Variants in SRGAP3 observed in about 807,000 individuals in gnomAD.
The protein encoded by SRGAP3 is SLIT-ROBO Rho GTPase activating protein 3.
In SRGAP3, 39 loss-of-function variants were observed where a neutral mutation model predicts 121.1. That is an observed-to-expected ratio of 0.32 (90% CI 0.25 to 0.42). The LOEUF is 0.42. Among genes scored for constraint, SRGAP3 ranks in the 10% least tolerant of loss-of-function variants. The pLI is 1.00. For missense variants in SRGAP3, 1,213 were observed against 1,470.6 expected (o/e 0.82, Z 2.86); for synonymous variants, 601 against 570.0 (o/e 1.05, Z -0.77).
Position 9,258,229 on chromosome 3 carries a change from C to T in SRGAP3, n.442+67781G>A, listed in dbSNP as rs185866685. Among the ~76,000 whole-genome samples, 167 of 152,102 alleles carry T rather than the reference C, an allele frequency of 1.1e-3. 1 individual carries two copies. The highest frequency in any genetic ancestry group is 3.1e-3 in the African/African-American group (130 of 41,500). On this transcript the variant is annotated intron_variant and non_coding_transcript_variant, in intron 3 of 3. Transcript: ENST00000490889. Reference sequence around the variant, plus strand: ...AAACACAGAAGCGGTTTCTTGGAGGCGAAAATTTCTAAGCTGAGCTTAGAA... The same window carrying T: ...AAACACAGAAGCGGTTTCTTGGAGGTGAAAATTTCTAAGCTGAGCTTAGAA...
At chr3:9,207,545 T>G (rs1351777452) in intron 1 of SRGAP3, among the ~76,000 whole-genome samples, 5 of 152,070 alleles carry the variant, frequency 3.3e-5, no homozygotes, top group Admixed American at 1.3e-4. Flanking sequence ...GGAAGTGTAT[T>G]AGGATGTGCT....
intron 1 of SRGAP3, chr3:9,348,857 A>G: frequency 7.7e-7 from 1 of 1,302,230 alleles, no homozygotes; most frequent in Non-Finnish European, 1.1e-6. Context: ...TAAGGATCGC[A>G]GGTTTGCAAA....
intron 3 of SRGAP3, among the ~76,000 whole-genome samples, chr3:9,319,333 G>A (rs763766444): frequency 3.3e-5 from 5 of 151,886 alleles, no homozygotes; most frequent in African/African-American, 4.8e-5. Context: ...AGTGCAGAAG[G>A]TATGACCCAG....
chr3:9,116,967 G>A (rs954290492), intron 2 of SRGAP3, among the ~76,000 whole-genome samples: 3 of 152,346 alleles, frequency 2.0e-5, no homozygotes, highest in Non-Finnish European at 4.4e-5. Context: ...GGTCCACGGT[G>A]ATGTGGATGT....
intron 1 of SRGAP3, among the ~76,000 whole-genome samples, chr3:9,353,932 C>T (rs1314572179): frequency 6.6e-6 from 1 of 151,988 alleles, no homozygotes; most frequent in African/African-American, 2.4e-5. Flanking sequence ...TTGGGGAGTA[C>T]AAGGAAGGGA....
chr3:9,144,333 G>C (rs2125040396), intron 1 of SRGAP3, among the ~76,000 whole-genome samples: 1 of 152,290 alleles, frequency 6.6e-6, no homozygotes, highest in East Asian at 1.9e-4. Context: ...CAGTCCCCTA[G>C]CCTTCTCTCT....
At chr3:9,146,166 A>G (rs971604082) in intron 1 of SRGAP3, among the ~76,000 whole-genome samples, 8 of 152,354 alleles carry the variant, frequency 5.3e-5, no homozygotes, top group Admixed American at 3.9e-4. Flanking sequence ...AGACTTATCA[A>G]TCGAGCTCCT....
intron 1 of SRGAP3, among the ~76,000 whole-genome samples, chr3:9,346,103 C>T (rs1391768032): frequency 1.3e-5 from 2 of 152,138 alleles, no homozygotes; most frequent in Non-Finnish European, 2.9e-5. Flanking sequence ...GAAAACTTTG[C>T]TCTTCACAGA....
intron 1 of SRGAP3, among the ~76,000 whole-genome samples, chr3:9,172,339 G>C (rs1951014323): frequency 6.6e-6 from 1 of 152,088 alleles, no homozygotes; most frequent in African/African-American, 2.4e-5. Flanking sequence ...CTGGACTCAA[G>C]TGATCTACCC....
At chr3:9,203,883 A>G (rs1952164922) in intron 1 of SRGAP3, among the ~76,000 whole-genome samples, 2 of 152,348 alleles carry the variant, frequency 1.3e-5, no homozygotes, top group South Asian at 2.1e-4. Flanking sequence ...CTTGTAGAGT[A>G]GGCAGGGCAG....
intron 1 of SRGAP3, among the ~76,000 whole-genome samples, chr3:9,228,305 C>G (rs79051050): frequency 1.6e-3 from 244 of 152,296 alleles, no homozygotes; most frequent in African/African-American, 5.7e-3. Flanking sequence ...GCCGCCAGAT[C>G]ATGCAATTTG....
intron 1 of SRGAP3, among the ~76,000 whole-genome samples, chr3:9,333,158 C>T (rs1453575372): frequency 6.6e-6 from 1 of 152,082 alleles, no homozygotes; most frequent in African/African-American, 2.4e-5. Context: ...TTATTACTCT[C>T]GGAAAGGAAG....
At chr3:9,226,322 G>A (rs1196585825) in intron 1 of SRGAP3, among the ~76,000 whole-genome samples, 1 of 152,194 alleles carries the variant, frequency 6.6e-6, no homozygotes, top group Non-Finnish European at 1.5e-5. Context: ...GCTGCAGAAA[G>A]CAGAAAATCT....
intron 1 of SRGAP3, among the ~76,000 whole-genome samples, chr3:9,232,005 G>A (rs946850422): frequency 6.6e-6 from 1 of 152,092 alleles, no homozygotes; most frequent in African/African-American, 2.4e-5. Context: ...ACTGAAACTC[G>A]GTAAATTAAA....
intron 1 of SRGAP3, among the ~76,000 whole-genome samples, chr3:9,160,867 C>T (rs1325461286): frequency 6.6e-6 from 1 of 152,022 alleles, no homozygotes; most frequent in African/African-American, 2.4e-5. Flanking sequence ...TAGAAAAATA[C>T]AACTTGAGCA....
At chr3:9,181,334 G>A (rs1300302116) in intron 1 of SRGAP3, among the ~76,000 whole-genome samples, 3 of 152,150 alleles carry the variant, frequency 2.0e-5, no homozygotes, top group East Asian at 3.9e-4. Context: ...AATGGTAATC[G>A]TTTTCTCTTG....
At chr3:9,325,938 C>G (rs1173106278) in intron 3 of SRGAP3, 1 of 151,862 alleles carries the variant, frequency 6.6e-6, no homozygotes, top group African/African-American at 2.4e-5. Context: ...TTGATCCATT[C>G]TTGTGGGGAA....
intron 4 of SRGAP3, among the ~76,000 whole-genome samples, chr3:9,078,411 C>T (rs984902911): frequency 6.6e-6 from 1 of 152,146 alleles, no homozygotes; most frequent in African/African-American, 2.4e-5. Context: ...CTGAGCACGA[C>T]AATCCCATTC....
At position 9,198,102 on chromosome 3, in the gene SRGAP3, ACTGT is replaced by A. The variant is rs1410718265; in HGVS notation, c.67+50779_67+50782del. Reference sequence around the variant, plus strand: ...ACAGGGCACAGGCCTTTCTATAGAGACTGTCTTTCAAGTCTGTAACAATTAGACT... The same window carrying A: ...ACAGGGCACAGGCCTTTCTATAGAGACTTTCAAGTCTGTAACAATTAGACT... On this transcript the variant is annotated intron_variant, in intron 1 of 21. Transcript: ENST00000383836. 2.0e-5 allele frequency among the ~76,000 whole-genome samples: 3 copies of A among 152,318 alleles called. No individual in the cohort carries two copies. In the East Asian group the frequency reaches 5.8e-4, roughly 29 times the overall value.
Sources: gnomAD v4.1 joint callset for allele counts (sites outside exome capture counted in the v4.1 genomes callset) on GRCh38, gnomAD v4.1.1 for gene constraint, MANE v1.5 for transcripts, NCBI Gene and HGNC (gene_info 2026-07-23, HGNC 2026-07-21) for gene names.